DYNC1H1: variants seen among roughly 807,000 people sequenced by gnomAD.
DYNC1H1 encodes dynein cytoplasmic 1 heavy chain 1.
DYNC1H1 carries 51 observed loss-of-function variants against 527.1 expected under a neutral mutation model. That is an observed-to-expected ratio of 0.10 (90% CI 0.08 to 0.12). The LOEUF is 0.12. DYNC1H1 is among the 10% of genes least tolerant of loss of function. The pLI, the probability that DYNC1H1 is intolerant of heterozygous loss-of-function variation, is 1.00. For missense variants in DYNC1H1, 2,771 were observed against 5,971.8 expected, an observed-to-expected ratio of 0.46 and a Z score of 17.66; for synonymous variants, 2,189 against 2,278.8, an observed-to-expected ratio of 0.96 and a Z score of 1.12.
At chr14:101,967,061 ATAATT>A (rs1183947974) in intron 1 of DYNC1H1, among the ~76,000 whole-genome samples, 1 of 152,218 alleles carries the variant, frequency 6.6e-6, no homozygotes, top group Non-Finnish European at 1.5e-5. Context: ...CAACCTGTCT[ATAATT>A]TATTTTTCAC....
rs1566998893 is a variant in DYNC1H1 at position 101,985,620 on chromosome 14, G to A, written c.1462-67G>A. ...ATTACAGGTGTGAGCCACTGCACCC[G>A]GCTTAAAATAAATTTTAAAGCCTTC... On this transcript the variant is annotated intron_variant, in intron 7 of 77. Coordinates refer to ENST00000360184, the MANE Select transcript of DYNC1H1 (RefSeq NM_001376.5). The surrounding 1 kb of genome is among the most constrained non-coding windows in gnomAD (Gnocchi z 5.9). The A allele has an allele frequency of 1.1e-5, 18 of 1,586,784 alleles. No homozygotes were observed. The highest frequency in any genetic ancestry group is 7.8e-5 in the South Asian group (7 of 90,122).
Position 102,034,364 on chromosome 14 carries a change from G to C in DYNC1H1, c.10666G>C (p.Ala3556Pro), listed in dbSNP as rs752337704. ...TGCCAGGACGGAATACCTTTCCAAT[G>C]CTGATGAGCGTCTTCGCTGGCAGGC... is the stretch of plus-strand genomic sequence containing the variant. ...DIARTEYLSN[A>P]DERLRWQASS... Residue 3556 changes from alanine to proline, a missense_variant, in exon 56 of 78, where the codon GCT becomes CCT. By Grantham distance (27) the Ala-to-Pro change is conservative. Coordinates refer to ENST00000360184, the MANE Select transcript of DYNC1H1 (RefSeq NM_001376.5). 1 of 1,614,198 alleles carries C rather than the reference G, an allele frequency of 6.2e-7. No homozygotes were observed. Among genetic ancestry groups the C allele is most frequent in the South Asian group, 1.1e-5 (1 of 91,088 alleles).
rs147266697 is a variant in DYNC1H1, at chr14:102,047,721, C to T, written c.13007-96C>T. On this transcript the variant is annotated intron_variant, in intron 72 of 77. Coordinates refer to ENST00000360184, the MANE Select transcript of DYNC1H1 (RefSeq NM_001376.5). ...CTGCAGTTCCCAGTGTGGACTCACT[C>T]ACCATGTGGCCTTTACGTTCAAGTC... is the stretch of plus-strand genomic sequence containing the variant. The T allele has an allele frequency of 2.9e-3, 4,354 of 1,496,802 alleles. 11 individuals carry two copies. Among genetic ancestry groups the T allele is most frequent in the Non-Finnish European group, 3.6e-3 (3,894 of 1,093,064 alleles). The allele number at this position is 1,496,802 out of a possible 1,614,324, so 92.7% of individuals were successfully genotyped here. A position where few individuals can be genotyped will look rare whatever the true frequency, so the allele number is the denominator to read the frequency against.
Position 102,033,566 on chromosome 14 carries a change from A to C in DYNC1H1, c.10413+82A>C. On this transcript the variant is annotated intron_variant, in intron 54 of 77. Coordinates refer to ENST00000360184, the MANE Select transcript of DYNC1H1 (RefSeq NM_001376.5). This position sits in a 1 kb window ranked among gnomAD's most constrained non-coding sequence, Gnocchi z 5.6. The stretch of plus-strand genomic sequence containing the variant: ...CACTTCAACATGCGCTGCATGCACC[A>C]TGCTGGCCTCGGTGAATTCGCTCTT... 6.4e-7 allele frequency: 1 copy of C among 1,551,560 alleles called. No homozygotes were observed. Among genetic ancestry groups the C allele is most frequent in the Non-Finnish European group, 8.8e-7 (1 of 1,138,200 alleles).
intron 72 of DYNC1H1, chr14:102,045,302 CAAA>C (rs34968643): frequency 2.1e-4 from 18 of 87,664 alleles, no homozygotes; most frequent in East Asian, 3.5e-4. Context: ...GACTCTGTCT[CAAA>C]AAAAAAAAAA....
chr14:102,016,632 G>T lies in DYNC1H1; in HGVS notation c.7615-134G>T. ...GGACTTTATCCTTTTAGTTCCATGT[G>T]TTAGCAAAGAGTGCAGATTAACCTG... On this transcript the variant is annotated intron_variant, in intron 37 of 77. Coordinates refer to ENST00000360184, the MANE Select transcript of DYNC1H1 (RefSeq NM_001376.5). This position sits in a 1 kb window ranked among gnomAD's most constrained non-coding sequence, Gnocchi z 7.3. 1 of 1,554,304 alleles carries T rather than the reference G, an allele frequency of 6.4e-7. No homozygotes were observed. Among genetic ancestry groups the T allele is most frequent in the South Asian group, 1.1e-5 (1 of 87,040 alleles).
In DYNC1H1 at chr14:102,001,708, C is replaced by T. The variant is rs757478380; in HGVS notation, c.4542+27C>T. The T allele has an allele frequency of 3.7e-6, 6 of 1,613,344 alleles. No homozygotes were observed. The highest frequency in any genetic ancestry group is 5.1e-6 in the Non-Finnish European group (6 of 1,179,984). ...TGCTGTTGCTGGGGAAGCTTTCCCTCCCCACCAGTGGTCTCCCACGCTTTC... is the reference window on the plus strand; with the variant it reads ...TGCTGTTGCTGGGGAAGCTTTCCCTTCCCACCAGTGGTCTCCCACGCTTTC... On this transcript the variant is annotated intron_variant, in intron 21 of 77. Transcript: ENST00000360184. This position sits in a 1 kb window ranked among gnomAD's most constrained non-coding sequence, Gnocchi z 5.0.
At chr14:102,026,918 C>G in intron 44 of DYNC1H1, 1 of 789,162 alleles carries the variant, frequency 1.3e-6, no homozygotes, top group South Asian at 1.7e-5. Flanking sequence ...CCCAGCACTG[C>G]ATACCTGCCA....
At chr14:102,030,086 T>G (rs2048494012) in intron 50 of DYNC1H1, 76 bp from the exon 51 acceptor site, 2 of 1,550,060 alleles carry the variant, frequency 1.3e-6, no homozygotes, top group Non-Finnish European at 1.8e-6. Context: ...GTTGGCAGAG[T>G]GAAGAATGTT....
chr14:102,040,088 G>A (rs2048627804), intron 62 of DYNC1H1, 148 bp from the exon 63 acceptor site: 5 of 1,101,394 alleles, frequency 4.5e-6, no homozygotes, highest in South Asian at 2.5e-5. Flanking sequence ...CAAGTGATCC[G>A]CCCACCTCGG....
rs1197361559 is a variant in DYNC1H1, at chr14:102,029,773, A to C, written c.9643-46A>C. 6 of 1,613,966 alleles carry C rather than the reference A, an allele frequency of 3.7e-6. No individual in the cohort carries two copies. In the Admixed American group the frequency reaches 1.0e-4, roughly 27 times the overall value. ...CTGCAGTGAGGACCCCTTTCCATAT[A>C]ATTTCTGCATGTTTCTCGTCTCTGA... On this transcript the variant is annotated intron_variant, in intron 49 of 77. Coordinates refer to ENST00000360184, the MANE Select transcript of DYNC1H1 (RefSeq NM_001376.5). This position sits in a 1 kb window ranked among gnomAD's most constrained non-coding sequence, Gnocchi z 5.3.
chr14:101,983,827 G>A lies in DYNC1H1; in HGVS notation c.1461+218G>A, dbSNP rs17512033. ...CGAGTAGCTGGGATTACAGGTGCCT[G>A]CCACCACGCCCGGCTAATTGTTTAT... On this transcript the variant is annotated intron_variant, in intron 7 of 77. Transcript: ENST00000360184. This position sits in a 1 kb window ranked among gnomAD's most constrained non-coding sequence, Gnocchi z 5.3. Among the ~76,000 whole-genome samples the A allele has an allele frequency of 0.027, 4,111 of 152,058 alleles. 85 individuals carry two copies. The highest frequency in any genetic ancestry group is 0.041 in the Non-Finnish European group (2,814 of 67,978).
At chr14:101,981,422 CATT>C (rs1463228468) in intron 5 of DYNC1H1, among the ~76,000 whole-genome samples, 1 of 152,226 alleles carries the variant, frequency 6.6e-6, no homozygotes, top group Non-Finnish European at 1.5e-5. Flanking sequence ...CACTCACAGT[CATT>C]ATTACAATTA....
In DYNC1H1 at chr14:102,049,694, G is replaced by C; in HGVS notation, c.13516-20G>C. 6.2e-7 allele frequency: 1 copy of C among 1,613,882 alleles called. No individual in the cohort carries two copies. Among genetic ancestry groups the C allele is most frequent in the Non-Finnish European group, 8.5e-7 (1 of 1,180,032 alleles). On this transcript the variant is annotated intron_variant, in intron 75 of 77. Transcript: ENST00000360184. This position sits in a 1 kb window ranked among gnomAD's most constrained non-coding sequence, Gnocchi z 5.5. ...GGTCTGACCTGAGCTCCTTCCCCTG[G>C]GGGCTGCTGCTTTCCACAGAACATC...
intron 57 of DYNC1H1, chr14:102,037,478 C>A (rs1317839980): frequency 6.7e-6 from 1 of 149,232 alleles, no homozygotes; most frequent in Non-Finnish European, 1.5e-5. Flanking sequence ...GAACAAGGAA[C>A]ATGTTCCTTT....
At chr14:101,994,379 A>AGAGTACAAGATATAAAGAACAT in intron 12 of DYNC1H1, 55 bp downstream of exon 12, 1 of 1,611,840 alleles carries the variant, frequency 6.2e-7, no homozygotes, top group Non-Finnish European at 8.5e-7. Flanking sequence ...TAGACACTTA[A>AGAGTACAAGATATAAAGAACAT]GAGTACAAGA....
chr14:102,000,918 G>A (rs763511036), intron 18 of DYNC1H1, 36 bp from the exon 19 acceptor site: 6 of 1,562,962 alleles, frequency 3.8e-6, no homozygotes, highest in Non-Finnish European at 5.3e-6. Flanking sequence ...AAGAAATGTT[G>A]GCAAGCTAAA....
intron 23 of DYNC1H1, 124 bp downstream of exon 23, chr14:102,003,089 A>C (rs2048150159): frequency 4.0e-6 from 5 of 1,243,704 alleles, no homozygotes; most frequent in Non-Finnish European, 5.7e-6. Context: ...TTTGTTAGCC[A>C]ATAATACATA....
At chr14:101,978,230 TTAG>T (rs1294005972) in intron 2 of DYNC1H1, among the ~76,000 whole-genome samples, 1 of 152,172 alleles carries the variant, frequency 6.6e-6, no homozygotes, top group African/African-American at 2.4e-5. Flanking sequence ...TCTTGTATTT[TTAG>T]TAGAGATGGG....
Sources: gnomAD v4.1 joint callset for allele counts (sites outside exome capture counted in the v4.1 genomes callset) on GRCh38, gnomAD v4.1.1 for gene constraint, Gnocchi (gnomAD v3.1) non-coding constraint, MANE v1.5 for transcripts, NCBI Gene and HGNC (gene_info 2026-07-23, HGNC 2026-07-21) for gene names.